The following ZNF654 variants were observed in gnomAD, a reference collection of about 807,000 sequenced individuals.
ZNF654 encodes melanoma-associated antigen.
In ZNF654, 19 loss-of-function variants were observed where a neutral mutation model predicts 95.3. That is an observed-to-expected ratio of 0.20 (90% CI 0.14 to 0.29). The LOEUF is 0.29. Ranked by LOEUF, ZNF654 falls within the 10% of genes least tolerant of loss-of-function variation. The pLI, the probability that ZNF654 is intolerant of heterozygous loss-of-function variation, is 1.00. For synonymous variants in ZNF654, 413 were observed against 457.9 expected (o/e 0.90, Z 1.25); for missense variants, 1,046 against 1,341.0 (o/e 0.78, Z 3.44).
chr3:88,098,635 G>A (rs1262709799), intron 2 of ZNF654, among the ~76,000 whole-genome samples: 1 of 152,148 alleles, frequency 6.6e-6, no homozygotes, highest in Non-Finnish European at 1.5e-5. Flanking sequence ...TATCCACCAT[G>A]ATCAAGTGGG....
At chr3:88,095,784 G>T in intron 2 of ZNF654, 1 of 427,672 alleles carries the variant, frequency 2.3e-6, no homozygotes. Context: ...TGTAAACTAA[G>T]AAATGAGCTA....
In ZNF654 at chr3:88,139,578, G is replaced by C; in HGVS notation, c.1909G>C (p.Asp637His). Residue 637 changes from aspartate to histidine, a missense_variant, in exon 8 of 9, where the codon GAT becomes CAT. Asp to His is a moderately conservative substitution (Grantham distance 81). Transcript: ENST00000636215. ...SFENGNSDSK[D>H]LEVETLTASS... The stretch of plus-strand genomic sequence containing the variant: ...TGAAAATGGGAATTCTGATAGTAAG[G>C]ATTTGGAAGTGGAGACACTTACTGC... The C allele has an allele frequency of 6.2e-7, 1 of 1,613,720 alleles. No homozygotes were observed. The highest frequency in any genetic ancestry group is 8.5e-7 in the Non-Finnish European group (1 of 1,179,776).
chr3:88,059,256 G>T lies in ZNF654; in HGVS notation c.-64G>T, dbSNP rs901085076. The T allele has an allele frequency of 4.4e-5, 67 of 1,530,558 alleles. No homozygotes were observed. The highest frequency in any genetic ancestry group is 5.3e-5 in the Non-Finnish European group (61 of 1,145,196). 94.8% of individuals were successfully genotyped at this position (1,530,558 alleles called of 1,614,324 possible). On this transcript the variant is annotated 5_prime_UTR_variant, in exon 1 of 9. Coordinates refer to ENST00000636215, the MANE Select transcript of ZNF654 (RefSeq NM_001350134.2). ...GGAACTAGAGAGGAGGAGGAGGTTAGCCTAGGCATCTACGGCGGCGGCGGC... is the reference window on the plus strand; with the variant it reads ...GGAACTAGAGAGGAGGAGGAGGTTATCCTAGGCATCTACGGCGGCGGCGGC...
chr3:88,061,620 T>A (rs778191694), intron 1 of ZNF654, among the ~76,000 whole-genome samples: 45 of 152,206 alleles, frequency 3.0e-4, no homozygotes, highest in Non-Finnish European at 5.4e-4. Flanking sequence ...AGCTTTTAGA[T>A]GGAATAAAAT....
Position 88,106,842 on chromosome 3 carries a change from A to G in ZNF654, c.333-6273A>G, listed in dbSNP as rs193120347. Among the ~76,000 whole-genome samples, 43 of 152,274 alleles carry G rather than the reference A, an allele frequency of 2.8e-4. No individual in the cohort carries two copies. In the East Asian group the frequency reaches 7.1e-3, roughly 25 times the overall value. On this transcript the variant is annotated intron_variant, in intron 2 of 8. Transcript: ENST00000636215. ...CTGATATTTGTCCTGTATAATTTTT[A>G]ACATTTGGCTGTCCAGTATGAAGAA...
chr3:88,137,893 A>G (rs1706893343), intron 7 of ZNF654, among the ~76,000 whole-genome samples: 1 of 148,364 alleles, frequency 6.7e-6, no homozygotes, highest in South Asian at 2.1e-4. Context: ...AGGCAGTATG[A>G]TATATATACA....
chr3:88,140,703 A>C lies in ZNF654; in HGVS notation c.3034A>C (p.Ser1012Arg). The C allele has an allele frequency of 5.6e-6, 9 of 1,613,758 alleles. No individual in the cohort carries two copies. The highest frequency in any genetic ancestry group is 7.6e-6 in the Non-Finnish European group (9 of 1,179,736). ...IRTENGSILP[S>R]VVPQEHNTLP... ...GACAGAAAATGGTTCCATTTTGCCCAGTGTTGTACCACAAGAACACAACAC... is the reference window on the plus strand; with the variant it reads ...GACAGAAAATGGTTCCATTTTGCCCCGTGTTGTACCACAAGAACACAACAC... Residue 1012 changes from serine to arginine, a missense_variant, in exon 8 of 9, where the codon AGT (serine) becomes CGT (arginine). Physicochemically the swap from Ser to Arg is moderately radical, Grantham distance 110 (BLOSUM62 -1). Transcript: ENST00000636215.
intron 8 of ZNF654, 76 bp downstream of exon 8, chr3:88,141,124 G>C (rs148382827): frequency 2.0e-6 from 3 of 1,488,986 alleles, no homozygotes; most frequent in African/African-American, 1.4e-5. Context: ...ATAGATCTTT[G>C]AGATTTAAAA....
intron 1 of ZNF654, among the ~76,000 whole-genome samples, chr3:88,075,228 T>TA (rs1707735596): frequency 6.6e-6 from 1 of 152,258 alleles, no homozygotes; most frequent in East Asian, 1.9e-4. Context: ...TACTAGCTGT[T>TA]ATAAAGAGCA....
At chr3:88,095,662 T>G in intron 2 of ZNF654, 1 of 474,078 alleles carries the variant, frequency 2.1e-6, no homozygotes, top group South Asian at 1.6e-5. Context: ...CTCTGTTCTC[T>G]TTTTTGGACT....
Position 88,142,284 on chromosome 3 carries a change from T to TA in ZNF654, c.*638dup, listed in dbSNP as rs1169446972. Reference sequence around the variant, plus strand: ...TGAATGGCACGCCAGCATTGAAAATTAAAAAACAAAACAAAAAAAACCACA... The same window carrying TA: ...TGAATGGCACGCCAGCATTGAAAATTAAAAAAACAAAACAAAAAAAACCACA... On this transcript the variant is annotated 3_prime_UTR_variant, in exon 9 of 9. Coordinates refer to ENST00000636215, the MANE Select transcript of ZNF654 (RefSeq NM_001350134.2). 1 of 75,920 alleles carries TA rather than the reference T, an allele frequency of 1.3e-5. No individual in the cohort carries two copies. Among genetic ancestry groups the TA allele is most frequent in the African/African-American group, 3.5e-5 (1 of 28,344 alleles). The allele number at this position is 75,920 out of a possible 1,614,324, so 4.7% of individuals were successfully genotyped here.
At chr3:88,115,309 T>G (rs1301012430) in intron 3 of ZNF654, among the ~76,000 whole-genome samples, 1 of 152,224 alleles carries the variant, frequency 6.6e-6, no homozygotes, top group Admixed American at 6.5e-5. Context: ...ACTGTGAGTT[T>G]ACCAGCTTTG....
chr3:88,106,621 G>T (rs1406590525), intron 2 of ZNF654, among the ~76,000 whole-genome samples: 1 of 152,178 alleles, frequency 6.6e-6, no homozygotes, highest in Non-Finnish European at 1.5e-5. Context: ...GGGATTACAG[G>T]TGTGAGCCAC....
rs1576234908 is a variant in ZNF654 at position 88,084,969 on chromosome 3, C to T, written c.187-1288C>T. ...CTGCCCTAGAGGGAGAAAATATCTT[C>T]ATTATACTGGCTATAAACAGGTTCT... On this transcript the variant is annotated intron_variant, in intron 1 of 8. Transcript: ENST00000636215. Among the ~76,000 whole-genome samples the T allele has an allele frequency of 2.6e-5, 4 of 152,320 alleles. No homozygotes were observed. The East Asian group carries it at 7.7e-4, about 29-fold the overall frequency.
At chr3:88,104,713 G>A (rs756092272) in intron 2 of ZNF654, among the ~76,000 whole-genome samples, 19 of 152,304 alleles carry the variant, frequency 1.2e-4, no homozygotes, top group Non-Finnish European at 2.4e-4. Flanking sequence ...TTAAGCCAAA[G>A]TGGACACTAA....
intron 3 of ZNF654, among the ~76,000 whole-genome samples, chr3:88,115,288 G>T (rs1431074638): frequency 6.6e-6 from 1 of 152,068 alleles, no homozygotes; most frequent in Non-Finnish European, 1.5e-5. Context: ...CTTTCCCCCC[G>T]CTGTATTTCA....
rs142179239 is a variant in ZNF654, at chr3:88,130,990, T to C, written c.893+1164T>C. Among the ~76,000 whole-genome samples the C allele has an allele frequency of 1.8e-4, 28 of 152,220 alleles. No individual in the cohort carries two copies. The East Asian group carries it at 1.9e-3, about 11-fold the overall frequency. On this transcript the variant is annotated intron_variant, in intron 6 of 8. Coordinates refer to ENST00000636215, the MANE Select transcript of ZNF654 (RefSeq NM_001350134.2). ...ACATACACACACCTTTATATACAGT[T>C]ATGCAGCACTTAATGATGGGGATAT...
intron 3 of ZNF654, among the ~76,000 whole-genome samples, chr3:88,120,692 T>C (rs1705713297): frequency 6.6e-6 from 1 of 152,214 alleles, no homozygotes; most frequent in Admixed American, 6.5e-5. Context: ...ATATCCTCTT[T>C]ATGCGTATAT....
chr3:88,065,808 C>A (rs1016554144), intron 1 of ZNF654, among the ~76,000 whole-genome samples: 143 of 152,258 alleles, frequency 9.4e-4, no homozygotes, highest in African/African-American at 3.3e-3. Context: ...CTCACTGCAA[C>A]CTCCCTGTCC....
Sources: allele counts gnomAD v4.1 joint callset (sites outside exome capture counted in the v4.1 genomes callset), GRCh38; gene constraint gnomAD v4.1.1; transcripts MANE v1.5; gene names NCBI Gene and HGNC (gene_info 2026-07-23, HGNC 2026-07-21).